Variants in LRMDA observed in about 807,000 individuals in gnomAD.
The protein encoded by LRMDA is leucine rich melanocyte differentiation associated, also known as leucine-rich melanocyte differentiation-associated protein.
A neutral mutation model predicts 29.8 loss-of-function variants in LRMDA; 18 were observed. The observed-to-expected ratio is 0.60, with a 90% CI of 0.42 to 0.90. The LOEUF is 0.90. LRMDA is among the 40% of genes least tolerant of loss of function. The pLI is 0.00. For synonymous variants in LRMDA, 125 were observed against 109.4 expected (o/e 1.14, Z -0.89); for missense variants, 273 against 273.9 (o/e 1.00, Z 0.02).
chr10:75,659,671 A>T (rs1841724965), intron 2 of LRMDA, among the ~76,000 whole-genome samples: 1 of 152,240 alleles, frequency 6.6e-6, no homozygotes. Context: ...TGGTCAAAGG[A>T]TACAAACTTT....
At chr10:76,014,660 A>T (rs1245740828) in intron 2 of LRMDA, among the ~76,000 whole-genome samples, 1 of 152,226 alleles carries the variant, frequency 6.6e-6, no homozygotes, top group African/African-American at 2.4e-5. Flanking sequence ...TCTCTGACTG[A>T]AGGATCTGTG....
At chr10:75,669,200 G>T (rs1489474604) in intron 2 of LRMDA, among the ~76,000 whole-genome samples, 1 of 152,182 alleles carries the variant, frequency 6.6e-6, no homozygotes, top group Non-Finnish European at 1.5e-5. Context: ...GTTCCTGAGG[G>T]TATGAGTTTG....
chr10:76,217,437 T>C (rs1851747750), intron 5 of LRMDA, among the ~76,000 whole-genome samples: 1 of 152,206 alleles, frequency 6.6e-6, no homozygotes, highest in Admixed American at 6.5e-5. Context: ...CATGAGTTAT[T>C]TGGTGACAAT....
At chr10:75,634,223 A>G (rs2132114965) in intron 2 of LRMDA, among the ~76,000 whole-genome samples, 1 of 152,274 alleles carries the variant, frequency 6.6e-6, no homozygotes, top group African/African-American at 2.4e-5. Flanking sequence ...GGTGGAGATA[A>G]GGGTGGCCAT....
chr10:75,560,536 GC>G (rs1840278674), intron 2 of LRMDA, among the ~76,000 whole-genome samples: 1 of 151,638 alleles, frequency 6.6e-6, no homozygotes, highest in Non-Finnish European at 1.5e-5. Context: ...TGCTTCTCCT[GC>G]CTAATTGCCC....
At chr10:75,559,018 ATGATTTATAGTCCTT>A (rs1276008207) in intron 2 of LRMDA, among the ~76,000 whole-genome samples, 1 of 150,714 alleles carries the variant, frequency 6.6e-6, no homozygotes, top group Non-Finnish European at 1.5e-5. Context: ...TTATAGCAGC[ATGATTTATAGTCCTT>A]TGGGTATATA....
At chr10:76,444,197 A>T (rs1167695911) in intron 6 of LRMDA, among the ~76,000 whole-genome samples, 1 of 152,186 alleles carries the variant, frequency 6.6e-6, no homozygotes, top group East Asian at 1.9e-4. Flanking sequence ...TCTGGCATAG[A>T]TCACTTTCAT....
At chr10:76,414,665 T>G (rs1345662057) in intron 6 of LRMDA, among the ~76,000 whole-genome samples, 1 of 152,210 alleles carries the variant, frequency 6.6e-6, no homozygotes, top group Non-Finnish European at 1.5e-5. Context: ...ATGGAAGAAC[T>G]ATATTCCTCT....
chr10:75,753,268 C>T (rs564022057), intron 2 of LRMDA, among the ~76,000 whole-genome samples: 7 of 152,212 alleles, frequency 4.6e-5, no homozygotes, highest in Admixed American at 4.6e-4. Flanking sequence ...ATAAGTAGTA[C>T]CTAAGGGCAG....
chr10:76,554,870 G>GGTGTGTGTGT (rs72203665), intron 6 of LRMDA, among the ~76,000 whole-genome samples: 6 of 150,510 alleles, frequency 4.0e-5, no homozygotes, highest in African/African-American at 1.5e-4. Flanking sequence ...CATGGTGGGT[G>GGTGTGTGTGT]GTGTGTGTGT....
chr10:76,113,304 G>A (rs958212503), intron 5 of LRMDA, among the ~76,000 whole-genome samples: 12 of 152,086 alleles, frequency 7.9e-5, no homozygotes, highest in African/African-American at 2.9e-4. Context: ...TTGTGTGGAA[G>A]GGTGGCAGAC....
chr10:76,201,821 C>A (rs148747867), intron 5 of LRMDA, among the ~76,000 whole-genome samples: 1 of 152,200 alleles, frequency 6.6e-6, no homozygotes, highest in Admixed American at 6.5e-5. Flanking sequence ...CTACTCCCCA[C>A]AATTAGTGAC....
intron 2 of LRMDA, among the ~76,000 whole-genome samples, chr10:75,986,771 A>T (rs532442172): frequency 6.6e-6 from 1 of 152,350 alleles, no homozygotes; most frequent in East Asian, 1.9e-4. Flanking sequence ...AGAGGTTTAT[A>T]ACGCAGATCA....
chr10:75,821,434 T>C (rs1450411971), intron 2 of LRMDA, among the ~76,000 whole-genome samples: 1 of 152,212 alleles, frequency 6.6e-6, no homozygotes, highest in Admixed American at 6.5e-5. Context: ...TATCAATAGA[T>C]GCAGAAAAAG....
intron 6 of LRMDA, among the ~76,000 whole-genome samples, chr10:76,548,354 G>A (rs1843446681): frequency 6.6e-6 from 1 of 151,424 alleles, no homozygotes; most frequent in Non-Finnish European, 1.5e-5. Context: ...AGGCAGTACA[G>A]CAAATCACAG....
intron 5 of LRMDA, among the ~76,000 whole-genome samples, chr10:76,147,019 C>G (rs1472742254): frequency 2.0e-5 from 3 of 152,228 alleles, no homozygotes; most frequent in African/African-American, 7.2e-5. Context: ...GGTCCCCACT[C>G]TCTTCTGGCT....
At chr10:75,793,696 G>T (rs1404687156) in intron 2 of LRMDA, among the ~76,000 whole-genome samples, 1 of 152,174 alleles carries the variant, frequency 6.6e-6, no homozygotes, top group Non-Finnish European at 1.5e-5. Context: ...AGATCTTTCA[G>T]AGCTTGCTCT....
chr10:76,429,601 C>T (rs1842169691), intron 6 of LRMDA, among the ~76,000 whole-genome samples: 1 of 152,096 alleles, frequency 6.6e-6, no homozygotes, highest in Non-Finnish European at 1.5e-5. Context: ...TTAATCACCA[C>T]TCTATTCTTT....
chr10:76,347,184 T>G (rs561409408), intron 6 of LRMDA, among the ~76,000 whole-genome samples: 92 of 152,346 alleles, frequency 6.0e-4, no homozygotes, highest in African/African-American at 2.2e-3. Flanking sequence ...AAGGCCGTTA[T>G]TCCCTATATA....
Sources: allele counts gnomAD v4.1 joint callset (sites outside exome capture counted in the v4.1 genomes callset), GRCh38; gene constraint gnomAD v4.1.1; transcripts MANE v1.5; gene names NCBI Gene and HGNC (gene_info 2026-07-23, HGNC 2026-07-21).